Variants in TTN observed in about 807,000 individuals in gnomAD.
TTN encodes connectin.
A neutral mutation model predicts 3,223.0 loss-of-function variants in TTN; 1,525 were observed. The ratio of observed to expected loss-of-function variants is 0.47; its 90% CI spans 0.45 to 0.49. TTN has a LOEUF of 0.49. TTN is among the 20% of genes least tolerant of loss of function. TTN has a pLI of 0.00. For missense variants in TTN, 40,786 were observed against 43,424.0 expected (o/e 0.94, Z 5.40); for synonymous variants, 14,094 against 15,161.0 (o/e 0.93, Z 5.17).
chr2:178,728,331 A>G lies in TTN; in HGVS notation c.19493T>C (p.Ile6498Thr). The G allele has an allele frequency of 1.9e-6, 3 of 1,611,538 alleles. No individual in the cohort carries two copies. The highest frequency in any genetic ancestry group is 1.7e-6 in the Non-Finnish European group (2 of 1,179,126). Residue 6498 changes from isoleucine to threonine, a missense_variant, in exon 67 of 363, where the codon ATT becomes ACT. Transcript: ENST00000589042. The part of the protein sequence containing the change: ...TKMDKVLGSS[I>T]HMECKVSGSL... Reference sequence around the variant, plus strand: ...ACCAGACACCTTGCACTCCATATGAATAGAAGAGCCCAGAACTTTATCCAT... The same window carrying G: ...ACCAGACACCTTGCACTCCATATGAGTAGAAGAGCCCAGAACTTTATCCAT...
rs561295343 is a variant in TTN, at chr2:178,734,774, C to T, written c.15150G>A (p.Gly5050=). The change falls in exon 51 of 363, where the codon GGG becomes GGA. Residue 5050 remains glycine, a synonymous_variant. Transcript: ENST00000589042. ...CATTCACTGCTTCACATGAGTAACT[C>T]CCACTGTCTTCAACTTTTACATCCG... ...DITDVKVEDS[G]SYSCEAVNDV... is the part of the protein sequence containing the mutation. The T allele has an allele frequency of 6.2e-7, 1 of 1,613,828 alleles. No individual in the cohort carries two copies. The highest frequency in any genetic ancestry group is 1.7e-5 in the Admixed American group (1 of 60,014).
chr2:178,795,382 A>G, intron 6 of TTN, 130 bp from the exon 7 acceptor site: 1 of 793,842 alleles, frequency 1.3e-6, no homozygotes. Context: ...ACCCATTCAG[A>G]GGGTAAATAA....
chr2:178,635,920 G>C lies in TTN; in HGVS notation c.41608+43C>G, dbSNP rs544162687. ...CGAGGTCCTTTCTTCCATTTTCTTAGTGTAACAATAAGCAGAACGAAATCT... is the reference window on the plus strand; with the variant it reads ...CGAGGTCCTTTCTTCCATTTTCTTACTGTAACAATAAGCAGAACGAAATCT... On this transcript the variant is annotated intron_variant, in intron 226 of 362. Coordinates refer to ENST00000589042, the MANE Select transcript of TTN (RefSeq NM_001267550.2). The C allele has an allele frequency of 2.5e-5, 39 of 1,540,536 alleles. 1 individual carries two copies. The South Asian group carries it at 4.9e-4, about 19-fold the overall frequency.
chr2:178,722,277 C>T lies in TTN; in HGVS notation c.22510G>A (p.Ala7504Thr), dbSNP rs753276275. The change falls in exon 77 of 363, where the codon GCT (alanine) becomes ACT (threonine). Residue 7504 changes from alanine to threonine, a missense_variant. Physicochemically the swap from Ala to Thr is moderately conservative, Grantham distance 58. Transcript: ENST00000589042. The part of the protein sequence containing the change: ...SNPLGTASSS[A>T]RLTAREPKKS... ...AACAAACCTCTTGCTGTGAGTCTAG[C>T]ACTAGAAGATGCTGTTCCAAGTGGG... The T allele has an allele frequency of 2.1e-5, 34 of 1,597,178 alleles. No homozygotes were observed. Among genetic ancestry groups the T allele is most frequent in the Non-Finnish European group, 2.5e-5 (29 of 1,171,852 alleles).
chr2:178,588,907 C>T lies in TTN; in HGVS notation c.62818G>A (p.Ala20940Thr). The T allele has an allele frequency of 6.2e-7, 1 of 1,612,998 alleles. No homozygotes were observed. Among genetic ancestry groups the T allele is most frequent in the Non-Finnish European group, 8.5e-7 (1 of 1,179,496 alleles). Residue 20940 changes from alanine to threonine, a missense_variant, in exon 304 of 363, where the codon GCA becomes ACA. By Grantham distance (58) the Ala-to-Thr change is moderately conservative. Transcript: ENST00000589042. ...EGNEYIFRVR[A>T]ENKIGTGPPT... ...GGCCCTGTGCCTATTTTATTTTCTG[C>T]ACGGACTCTGAAAATATATTCATTT...
intron 22 of TTN, 141 bp downstream of exon 22, chr2:178,779,859 A>G: frequency 2.6e-6 from 2 of 768,738 alleles, no homozygotes; most frequent in South Asian, 1.8e-5. Context: ...CATGAAGATT[A>G]AGGAAACTTA....
At position 178,593,842 on chromosome 2, in the gene TTN, T is replaced by G. The variant is rs1371685201; in HGVS notation, c.58458A>C (p.Pro19486=). The G allele has an allele frequency of 6.2e-7, 1 of 1,612,884 alleles. No homozygotes were observed. Among genetic ancestry groups the G allele is most frequent in the South Asian group, 1.1e-5 (1 of 91,030 alleles). ...VVDRPGPPVG[P]VSFDEVTKDY... Reference sequence around the variant, plus strand: ...CTTTGGTCACCTCATCAAAACTAACTGGTCCTACTGGTGGTCCAGGACGGT... The same window carrying G: ...CTTTGGTCACCTCATCAAAACTAACGGGTCCTACTGGTGGTCCAGGACGGT... Residue 19486 remains proline, a synonymous_variant, in exon 298 of 363, where the codon CCA becomes CCC. Transcript: ENST00000589042.
chr2:178,579,756 T>G lies in TTN; in HGVS notation c.67441A>C (p.Ser22481Arg), dbSNP rs1268356218. ...GWKKPHSDGG[S>R]RIIGYVVDFL... ...TCAACTACATATCCAATAATCCGAC[T>G]TCCACCATCACTGTGAGGCTTTTTC... Residue 22481 changes from serine to arginine, a missense_variant, in exon 319 of 363, where the codon AGT (serine) becomes CGT (arginine). By Grantham distance (110) the Ser-to-Arg change is moderately radical. Coordinates refer to ENST00000589042, the MANE Select transcript of TTN (RefSeq NM_001267550.2). 6.2e-7 allele frequency: 1 copy of G among 1,613,318 alleles called. No homozygotes were observed. Among genetic ancestry groups the G allele is most frequent in the Admixed American group, 1.7e-5 (1 of 59,976 alleles).
At chr2:178,748,184 G>A in intron 47 of TTN, 1 of 1,613,180 alleles carries the variant, frequency 6.2e-7, no homozygotes, top group Non-Finnish European at 8.5e-7. Flanking sequence ...ATCTGCAGAT[G>A]AGGTTGGAAG....
intron 238 of TTN, 75 bp downstream of exon 238, chr2:178,630,729 C>A: frequency 6.5e-7 from 1 of 1,539,304 alleles, no homozygotes; most frequent in South Asian, 1.3e-5. Context: ...GTCCTGCATC[C>A]ACTCTGACTT....
At chr2:178,727,886 A>G in intron 67 of TTN, 23 bp from the exon 68 acceptor site, 1 of 1,523,020 alleles carries the variant, frequency 6.6e-7, no homozygotes, top group Non-Finnish European at 8.8e-7. Flanking sequence ...AGAGAGATAT[A>G]TTTAATTAAA....
At position 178,742,485 on chromosome 2, in the gene TTN, C is replaced by T. The variant is rs1229990121; in HGVS notation, c.11312-564G>A. Among the ~76,000 whole-genome samples, 4 of 152,170 alleles carry T rather than the reference C, an allele frequency of 2.6e-5. No homozygotes were observed. The East Asian group carries it at 5.8e-4, about 22-fold the overall frequency. ...TGTTTTCAGTTTCTAGAAATGCAGGCCTTCTTTCATCTATGTAAATCACCA... is the reference window on the plus strand; with the variant it reads ...TGTTTTCAGTTTCTAGAAATGCAGGTCTTCTTTCATCTATGTAAATCACCA... On this transcript the variant is annotated intron_variant, in intron 47 of 362. Coordinates refer to ENST00000589042, the MANE Select transcript of TTN (RefSeq NM_001267550.2).
rs561787832 is a variant in TTN at position 178,663,165 on chromosome 2, T to C, written c.36700+101A>G. ...GATAGCGATTGACATTTGTTTTCTT[T>C]AGAATTATATCATCTTTATGTAGTA... On this transcript the variant is annotated intron_variant, in intron 173 of 362. Coordinates refer to ENST00000589042, the MANE Select transcript of TTN (RefSeq NM_001267550.2). 2.5e-6 allele frequency: 4 copies of C among 1,606,048 alleles called. No homozygotes were observed. The South Asian group carries it at 3.3e-5, about 13-fold the overall frequency.
Position 178,593,081 on chromosome 2 carries a change from T to C in TTN, c.59038A>G (p.Lys19680Glu), listed in dbSNP as rs2050579789. The change falls in exon 300 of 363, where the codon AAA becomes GAA. Residue 19680 changes from lysine to glutamate, a missense_variant and splice_region_variant. Lys to Glu is a moderately conservative substitution (Grantham distance 56). Coordinates refer to ENST00000589042, the MANE Select transcript of TTN (RefSeq NM_001267550.2). Reference protein sequence around the residue: ...KPVFAKDPIAKPSPPVNPEAI... With the variant: ...KPVFAKDPIAEPSPPVNPEAI... ...TCAGGATTAACAGGTGGACTTGGTT[T>C]AGCTAAAAAATAAAAGTAAAAAACG... 1 of 1,611,362 alleles carries C rather than the reference T, an allele frequency of 6.2e-7. No homozygotes were observed. Among genetic ancestry groups the C allele is most frequent in the Non-Finnish European group, 8.5e-7 (1 of 1,179,128 alleles).
In TTN at chr2:178,768,788, CA is replaced by C; in HGVS notation, c.9047del (p.Met3016ArgfsTer10). The C allele has an allele frequency of 1.2e-6, 2 of 1,614,046 alleles. No homozygotes were observed. Among genetic ancestry groups the C allele is most frequent in the Admixed American group, 1.7e-5 (1 of 60,008 alleles). On this transcript the variant is annotated frameshift_variant, in exon 38 of 363. Transcript: ENST00000589042. LOFTEE classifies it high-confidence loss of function. ...GTGAGTGTGTGAGCTTTTTGGTTCT[CA>C]TCTGGCACTTGTCAGTTGATTTGAT... is the stretch of plus-strand genomic sequence containing the variant. ...VEIKSTDKCQ[M>X]RTKKLTHSLN...
Position 178,585,099 on chromosome 2 carries a change from T to G in TTN, c.64645A>C (p.Thr21549Pro). 2 of 1,606,470 alleles carry G rather than the reference T, an allele frequency of 1.2e-6. No homozygotes were observed. The highest frequency in any genetic ancestry group is 8.5e-7 in the Non-Finnish European group (1 of 1,176,236). Reference sequence around the variant, plus strand: ...ATGACTACAACTTTGATTTTCTGAGTGTCTGTCCCAGAACTGTTCTCTGCT... The same window carrying G: ...ATGACTACAACTTTGATTTTCTGAGGGTCTGTCCCAGAACTGTTCTCTGCT... The part of the protein sequence containing the change: ...LTAENSSGTD[T>P]QKIKVVVMDA... The change falls in exon 309 of 363, where the codon ACT (threonine) becomes CCT (proline). Residue 21549 changes from threonine (T) to proline (P), a missense_variant. Transcript: ENST00000589042.
chr2:178,707,941 A>G, intron 99 of TTN, 128 bp from the exon 100 acceptor site: 1 of 946,598 alleles, frequency 1.1e-6, no homozygotes, highest in Non-Finnish European at 1.6e-6. Context: ...GGACAGAATT[A>G]TGTGCCTGGT....
rs1442383617 is a variant in TTN, at chr2:178,647,148, TA to T, written c.40142-5del. On this transcript the variant is annotated splice_region_variant and splice_polypyrimidine_tract_variant and intron_variant, in intron 214 of 362. Coordinates refer to ENST00000589042, the MANE Select transcript of TTN (RefSeq NM_001267550.2). ...ATTTCCTCAGGAGTCTCTTCAACTTTAAAAAACATAGTATTTTATTTTAGAC... is the reference window on the plus strand; with the variant it reads ...ATTTCCTCAGGAGTCTCTTCAACTTTAAAAACATAGTATTTTATTTTAGAC... 1 of 1,390,726 alleles carries T rather than the reference TA, an allele frequency of 7.2e-7. No homozygotes were observed. The highest frequency in any genetic ancestry group is 9.5e-7 in the Non-Finnish European group (1 of 1,048,790). 86.1% of individuals were successfully genotyped at this position (1,390,726 alleles called of 1,614,324 possible).
In TTN at chr2:178,568,803, T is replaced by C. The variant is rs778484596; in HGVS notation, c.77329A>G (p.Lys25777Glu). Reference protein sequence around the residue: ...YLFRVVAVNEKGRSDPRSLAV... With the variant: ...YLFRVVAVNEEGRSDPRSLAV... Reference sequence around the variant, plus strand: ...AGGGACCGAGGATCACTTCTCCCCTTTTCATTTACAGCAACAACTCTAAAA... The same window carrying C: ...AGGGACCGAGGATCACTTCTCCCCTCTTCATTTACAGCAACAACTCTAAAA... The change falls in exon 326 of 363, where the codon AAG (lysine) becomes GAG (glutamate). Residue 25777 changes from lysine (K) to glutamate (E), a missense_variant. Lys to Glu is a moderately conservative substitution (Grantham distance 56). Coordinates refer to ENST00000589042, the MANE Select transcript of TTN (RefSeq NM_001267550.2). The C allele has an allele frequency of 6.8e-5, 110 of 1,613,126 alleles. No homozygotes were observed. The highest frequency in any genetic ancestry group is 9.1e-5 in the Non-Finnish European group (107 of 1,179,550).
Sources: gnomAD v4.1 joint callset for allele counts (sites outside exome capture counted in the v4.1 genomes callset) on GRCh38, gnomAD v4.1.1 for gene constraint, MANE v1.5 for transcripts, NCBI Gene and HGNC (gene_info 2026-07-23, HGNC 2026-07-21) for gene names.